USP36: variants seen among roughly 807,000 people sequenced by gnomAD.
USP36 encodes ubiquitin carboxyl-terminal hydrolase 36.
A neutral mutation model predicts 111.5 loss-of-function variants in USP36; 59 were observed. The observed-to-expected ratio is 0.53, with a 90% CI of 0.43 to 0.66. The LOEUF (loss-of-function observed/expected upper bound fraction) is 0.66. Among genes scored for constraint, USP36 ranks in the 30% least tolerant of loss-of-function variants. The pLI is 0.00. For missense variants in USP36, 1,488 were observed against 1,468.0 expected (o/e 1.01, Z -0.22); for synonymous variants, 628 against 581.0 (o/e 1.08, Z -1.16).
chr17:78,803,636 C>T lies in USP36; in HGVS notation c.2559G>A (p.Glu853=), dbSNP rs752528272. ...CCTGCAGGGCGCTGGCAGCTGTGTC[C>T]TCCGGGCGCTTCTTCTTCTTCCTCT... ...KRKRKKKKRP[E]DTAASALQEG... is the part of the protein sequence containing the mutation. The change falls in exon 16 of 21, where the codon GAG becomes GAA. Residue 853 remains glutamate (E), a synonymous_variant. Transcript: ENST00000449938. This position sits in a 1 kb window ranked among gnomAD's most constrained non-coding sequence, Gnocchi z 4.6. The T allele has an allele frequency of 1.2e-6, 2 of 1,610,848 alleles. No homozygotes were observed. Among genetic ancestry groups the T allele is most frequent in the Non-Finnish European group, 8.5e-7 (1 of 1,179,022 alleles).
intron 3 of USP36, 110 bp from the exon 4 acceptor site, chr17:78,835,611 C>T: frequency 1.9e-6 from 2 of 1,073,686 alleles, no homozygotes; most frequent in South Asian, 3.1e-5. Context: ...TGACTCGGAA[C>T]ATGGCACCAG....
chr17:78,830,088 G>T (rs2067950095), intron 4 of USP36, among the ~76,000 whole-genome samples: 2 of 152,154 alleles, frequency 1.3e-5, no homozygotes, highest in African/African-American at 4.8e-5. Flanking sequence ...AATAAACACT[G>T]CTGTGATCGC....
Position 78,836,798 on chromosome 17 carries a change from GACAC to G in USP36, c.-9-430_-9-427del, listed in dbSNP as rs71365539. The stretch of plus-strand genomic sequence containing the variant: ...CATACAAACTGGTTATACACACACG[GACAC>G]ACACACACACACACACAAACGGACA... On this transcript the variant is annotated intron_variant, in intron 2 of 20. Coordinates refer to ENST00000449938, the MANE Select transcript of USP36 (RefSeq NM_001385174.1). Among the ~76,000 whole-genome samples the G allele has an allele frequency of 8.8e-3, 1,282 of 145,804 alleles. 11 individuals carry two copies. The highest frequency in any genetic ancestry group is 0.015 in the Non-Finnish European group (1,039 of 67,250).
chr17:78,807,192 A>C lies in USP36; in HGVS notation c.1852T>G (p.Ser618Ala). 1 of 1,614,018 alleles carries C rather than the reference A, an allele frequency of 6.2e-7. No individual in the cohort carries two copies. Among genetic ancestry groups the C allele is most frequent in the Non-Finnish European group, 8.5e-7 (1 of 1,179,980 alleles). The change falls in exon 14 of 21, where the codon TCG becomes GCG. Residue 618 changes from serine to alanine, a missense_variant. Around this residue, in one of 3 missense-constraint regions of USP36, gnomAD observed 1,073 missense variants for 994.1 expected, o/e 1.08. Coordinates refer to ENST00000449938, the MANE Select transcript of USP36 (RefSeq NM_001385174.1). ...GCCTTGGTGGAGTCGCTGCTGGCCG[A>C]GTGCTCTGGGCTGGAGCTGCTGGAG... is the stretch of plus-strand genomic sequence containing the variant. The part of the protein sequence containing the change: ...RGSSSSSPEH[S>A]ASSDSTKAPQ...
At chr17:78,788,498 G>A (rs1057220021) in intron 3 of USP36, among the ~76,000 whole-genome samples, 6 of 152,056 alleles carry the variant, frequency 3.9e-5, no homozygotes, top group African/African-American at 7.2e-5. Context: ...ATTCTATTTC[G>A]TTACCTTTAT....
rs559565382 is a variant in USP36, at chr17:78,807,794, G to T, written c.1408-158C>A. On this transcript the variant is annotated intron_variant, in intron 13 of 20. Transcript: ENST00000449938. The stretch of plus-strand genomic sequence containing the variant: ...CTGGACTCTTGGTAAAGACACTGTG[G>T]CTTCTCTGAACAATTCTGGTGTTCT... Among the ~76,000 whole-genome samples, 106 of 152,302 alleles carry T rather than the reference G, an allele frequency of 7.0e-4. 1 individual carries two copies. Among genetic ancestry groups the T allele is most frequent in the African/African-American group, 2.5e-3 (105 of 41,558 alleles).
chr17:78,818,300 C>T (rs568588280), intron 10 of USP36, among the ~76,000 whole-genome samples: 10 of 152,204 alleles, frequency 6.6e-5, no homozygotes, highest in Admixed American at 3.3e-4. Context: ...CCAGAAGCTG[C>T]GGTAAATCCA....
At chr17:78,834,997 G>GTGTGTATATATATATATATATA (rs968867639) in intron 4 of USP36, among the ~76,000 whole-genome samples, 1 of 141,392 alleles carries the variant, frequency 7.1e-6, no homozygotes, top group African/African-American at 2.8e-5. Context: ...AATAATATTT[G>GTGTGTATATATATATATATATA]TATATATATA....
In USP36 at chr17:78,803,881, A is replaced by T. The variant is rs762402424; in HGVS notation, c.2314T>A (p.Ser772Thr). 4.4e-6 allele frequency: 6 copies of T among 1,364,914 alleles called. No homozygotes were observed. In the East Asian group the frequency reaches 2.7e-4, roughly 62 times the overall value. 84.6% of individuals were successfully genotyped at this position (1,364,914 alleles called of 1,614,324 possible). A position where few individuals can be genotyped will look rare whatever the true frequency, so the allele number is the denominator to read the frequency against. Reference sequence around the variant, plus strand: ...ATGGAGGAGCAGCTCCGTGGTTCTGACGTCCCTGGGGGCTTGGGGGTACTG... The same window carrying T: ...ATGGAGGAGCAGCTCCGTGGTTCTGTCGTCCCTGGGGGCTTGGGGGTACTG... The part of the protein sequence containing the change: ...LSSTPKPPGT[S>T]EPRSCSSIST... The change falls in exon 16 of 21, where the codon TCA becomes ACA. Residue 772 changes from serine to threonine, a missense_variant. Around this residue, in one of 3 missense-constraint regions of USP36, gnomAD observed 1,073 missense variants for 994.1 expected, o/e 1.08. Transcript: ENST00000449938. The surrounding 1 kb of genome is among the most constrained non-coding windows in gnomAD (Gnocchi z 4.6).
At chr17:78,802,772 G>A (rs1423683854) in intron 16 of USP36, among the ~76,000 whole-genome samples, 2 of 152,110 alleles carry the variant, frequency 1.3e-5, no homozygotes, top group East Asian at 3.9e-4. Context: ...GCCTGTTGAC[G>A]CCAATGTGCA....
At chr17:78,818,879 T>C (rs550695979) in intron 9 of USP36, 101 bp from the exon 10 acceptor site, 2 of 1,173,544 alleles carry the variant, frequency 1.7e-6, no homozygotes, top group East Asian at 2.4e-5. Flanking sequence ...TGCTCTGTAA[T>C]AGTGGAATCT....
At chr17:78,818,938 A>G in intron 9 of USP36, 160 bp from the exon 10 acceptor site, 2 of 650,998 alleles carry the variant, frequency 3.1e-6, no homozygotes, top group South Asian at 3.9e-5. Context: ...CACATTAAGC[A>G]TGCCTCAAGT....
At position 78,798,174 on chromosome 17, in the gene USP36, CCCACACACACCCCCTTATACACACGCAT is replaced by C; in HGVS notation, c.*20+198_*20+225del. Reference sequence around the variant, plus strand: ...CACACACCCCCTTATACACACGCATCCCACACACACCCCCTTATACACACGCATCCCACACACACCCTTCTCCAAGTGA... The same window carrying C: ...CACACACCCCCTTATACACACGCATCCCCACACACACCCTTCTCCAAGTGA... On this transcript the variant is annotated intron_variant, in intron 20 of 20. Coordinates refer to ENST00000449938, the MANE Select transcript of USP36 (RefSeq NM_001385174.1). The surrounding 1 kb of genome is among the most constrained non-coding windows in gnomAD (Gnocchi z 5.1). The C allele has an allele frequency of 1.7e-6, 1 of 574,506 alleles. No individual in the cohort carries two copies. Among genetic ancestry groups the C allele is most frequent in the Non-Finnish European group, 3.1e-6 (1 of 326,796 alleles). The allele number at this position is 574,506 out of a possible 1,614,324, so 35.6% of individuals were successfully genotyped here. A position where few individuals can be genotyped will look rare whatever the true frequency, so the allele number is the denominator to read the frequency against.
intron 10 of USP36, among the ~76,000 whole-genome samples, chr17:78,817,448 T>C (rs2094214277): frequency 6.6e-6 from 1 of 152,168 alleles, no homozygotes; most frequent in Admixed American, 6.5e-5. Flanking sequence ...AACAGAACTC[T>C]AGATTTTTAT....
At chr17:78,794,142 T>C (rs1227416598), downstream of USP36, among the ~76,000 whole-genome samples, 1 of 152,250 alleles carries the variant, frequency 6.6e-6, no homozygotes, top group Non-Finnish European at 1.5e-5. Flanking sequence ...TTCTAGCCTA[T>C]GCTACTAATG....
chr17:78,790,596 T>C (rs961967418), intron 3 of USP36, among the ~76,000 whole-genome samples: 2 of 152,160 alleles, frequency 1.3e-5, no homozygotes, highest in Non-Finnish European at 2.9e-5. Context: ...TGGCCTTTTT[T>C]GGCTGGTCTC....
At chr17:78,834,670 T>C (rs1265610826) in intron 4 of USP36, among the ~76,000 whole-genome samples, 2 of 152,182 alleles carry the variant, frequency 1.3e-5, no homozygotes, top group Non-Finnish European at 2.9e-5. Flanking sequence ...CTCCAACTCC[T>C]GACCTCAAGT....
intron 6 of USP36, among the ~76,000 whole-genome samples, chr17:78,824,471 G>A (rs1475346565): frequency 6.6e-6 from 1 of 152,184 alleles, no homozygotes; most frequent in African/African-American, 2.4e-5. Context: ...TTGAGTCCAG[G>A]AGGTGGAGCC....
Position 78,812,756 on chromosome 17 carries a change from A to T in USP36, c.1407+104T>A, listed in dbSNP as rs1451248900. 5.0e-5 allele frequency: 66 copies of T among 1,312,688 alleles called. 1 individual carries two copies. Among genetic ancestry groups the T allele is most frequent in the Non-Finnish European group, 6.4e-5 (60 of 943,320 alleles). 81.3% of individuals were successfully genotyped at this position (1,312,688 alleles called of 1,614,324 possible). ...AATAACATCAACTAGAATAGTGCAAACTGCCTGCAAATTCCTTCCACTGTG... is the reference window on the plus strand; with the variant it reads ...AATAACATCAACTAGAATAGTGCAATCTGCCTGCAAATTCCTTCCACTGTG... On this transcript the variant is annotated intron_variant, in intron 13 of 20. Transcript: ENST00000449938.
Sources: allele counts gnomAD v4.1 joint callset (sites outside exome capture counted in the v4.1 genomes callset), GRCh38; gene constraint gnomAD v4.1.1; regional missense constraint gnomAD v4.1.1; non-coding constraint Gnocchi (gnomAD v3.1); transcripts MANE v1.5; gene names NCBI Gene and HGNC (gene_info 2026-07-23, HGNC 2026-07-21).